Variants in SAMD12 observed in about 807,000 individuals in gnomAD.
SAMD12 encodes the protein sterile alpha motif domain-containing protein 12.
Under a neutral mutation model 15.0 loss-of-function variants are expected in SAMD12, and 9 were observed. That is an observed-to-expected ratio of 0.60 (90% CI 0.36 to 1.05). The LOEUF (loss-of-function observed/expected upper bound fraction) is 1.05, where lower values mean the gene tolerates loss of function less well. Ranked by LOEUF, SAMD12 falls within the 50% of genes least tolerant of loss-of-function variation. The pLI is 0.01. For missense variants in SAMD12, 230 were observed against 234.2 expected, an observed-to-expected ratio of 0.98 and a Z score of 0.12; for synonymous variants, 86 against 90.1, an observed-to-expected ratio of 0.96 and a Z score of 0.25.
At chr8:118,148,682 A>T in the SAMD12 span, among the ~76,000 whole-genome samples, 1 of 152,198 alleles carries the variant, frequency 6.6e-6, no homozygotes, top group South Asian at 2.1e-4. Context: ...ACCTTTGTGC[A>T]GTTAATCCTC....
chr8:118,383,348 CAGG>C, intron 3 of SAMD12, among the ~76,000 whole-genome samples: 1 of 152,220 alleles, frequency 6.6e-6, no homozygotes, highest in Non-Finnish European at 1.5e-5. Context: ...GAGCTCAGAA[CAGG>C]GTGATCTAAC....
intron 4 of SAMD12, among the ~76,000 whole-genome samples, chr8:118,265,637 T>A (rs189994738): frequency 2.4e-4 from 37 of 151,984 alleles, no homozygotes; most frequent in Non-Finnish European, 5.2e-4. Flanking sequence ...TCTCTTTGGA[T>A]CATTCAGTCA....
the SAMD12 span, among the ~76,000 whole-genome samples, chr8:118,175,329 T>C: frequency 6.6e-6 from 1 of 152,176 alleles, no homozygotes; most frequent in South Asian, 2.1e-4. Context: ...AGTTTTACCA[T>C]ATATGAAAAT....
At chr8:118,428,457 T>C (rs894620676) in intron 3 of SAMD12, among the ~76,000 whole-genome samples, 15 of 151,918 alleles carry the variant, frequency 9.9e-5, no homozygotes, top group African/African-American at 2.9e-4. Context: ...AAAGACCAAT[T>C]TATCAATTTT....
chr8:118,537,077 T>C (rs1825864964), intron 2 of SAMD12, among the ~76,000 whole-genome samples: 2 of 152,180 alleles, frequency 1.3e-5, no homozygotes, highest in South Asian at 4.1e-4. Flanking sequence ...TTTTTCCTCC[T>C]TCAGCACTTT....
chr8:118,248,411 A>G (rs931425995), intron 4 of SAMD12, among the ~76,000 whole-genome samples: 8 of 152,134 alleles, frequency 5.3e-5, no homozygotes, highest in African/African-American at 1.7e-4. Context: ...AAGGATTGTT[A>G]GTCCAGCAGT....
chr8:118,525,144 C>T (rs1340745664), intron 2 of SAMD12, among the ~76,000 whole-genome samples: 1 of 152,188 alleles, frequency 6.6e-6, no homozygotes. Flanking sequence ...ACAGGCTCCT[C>T]GCTGTTTCTA....
At chr8:118,510,171 A>G (rs10100091) in intron 2 of SAMD12, among the ~76,000 whole-genome samples, 1 of 151,858 alleles carries the variant, frequency 6.6e-6, no homozygotes, top group Non-Finnish European at 1.5e-5. Flanking sequence ...TCAAATTTAC[A>G]TTACAAAAAA....
intron 2 of SAMD12, among the ~76,000 whole-genome samples, chr8:118,560,204 C>T (rs1826664982): frequency 2.6e-5 from 4 of 152,180 alleles, no homozygotes. Context: ...CTTTAAATTC[C>T]TACTTTCCTC....
chr8:118,163,874 CAAACAAAACAAAACAAAACAAAACA>C, the SAMD12 span, among the ~76,000 whole-genome samples: 1 of 149,160 alleles, frequency 6.7e-6, no homozygotes, highest in Admixed American at 6.7e-5. Flanking sequence ...GACTCCGTCT[CAAACAAAACAAAACAAAACAAAACA>C]AAACAAAACA....
chr8:118,166,116 C>G, the SAMD12 span, among the ~76,000 whole-genome samples: 1 of 152,162 alleles, frequency 6.6e-6, no homozygotes, highest in Non-Finnish European at 1.5e-5. Flanking sequence ...GCAACTGGCA[C>G]ATTTTTTTCT....
At chr8:118,225,448 G>A (rs181404775) in intron 4 of SAMD12, among the ~76,000 whole-genome samples, 29 of 152,266 alleles carry the variant, frequency 1.9e-4, no homozygotes, top group African/African-American at 6.3e-4. Flanking sequence ...TGCTGCCAGG[G>A]TTTTTGGAGG....
rs557917180 is a variant in SAMD12 at position 118,420,837 on chromosome 8, A to G, written c.322+18995T>C. 3.0e-4 allele frequency among the ~76,000 whole-genome samples: 46 copies of G among 152,328 alleles called. 1 individual carries two copies. The South Asian group carries it at 9.1e-3, about 30-fold the overall frequency. On this transcript the variant is annotated intron_variant, in intron 3 of 3. Transcript: ENST00000314727. ...AAACAGATTTGATTTGGGCAAAGGGAAGAAGAGATTAGAATAGGGGTTGGC... is the reference window on the plus strand; with the variant it reads ...AAACAGATTTGATTTGGGCAAAGGGGAGAAGAGATTAGAATAGGGGTTGGC...
chr8:118,174,440 A>G, the SAMD12 span, among the ~76,000 whole-genome samples: 1 of 152,146 alleles, frequency 6.6e-6, no homozygotes, highest in African/African-American at 2.4e-5. Context: ...GGGACATGGC[A>G]TGGGTCAAGT....
the SAMD12 span, among the ~76,000 whole-genome samples, chr8:118,151,208 G>C: frequency 6.6e-6 from 1 of 151,648 alleles, no homozygotes; most frequent in Non-Finnish European, 1.5e-5. Flanking sequence ...AAAAATCGTT[G>C]TCTTTATTAC....
At chr8:118,617,620 A>T (rs1828270236) in intron 1 of SAMD12, among the ~76,000 whole-genome samples, 1 of 152,186 alleles carries the variant, frequency 6.6e-6, no homozygotes, top group South Asian at 2.1e-4. Context: ...AATAGAAATT[A>T]CCATGTACAA....
At chr8:118,407,571 T>C (rs1821195986) in intron 3 of SAMD12, among the ~76,000 whole-genome samples, 2 of 152,164 alleles carry the variant, frequency 1.3e-5, no homozygotes, top group African/African-American at 2.4e-5. Flanking sequence ...AAGAACTATG[T>C]ATGGACAAAT....
intron 4 of SAMD12, among the ~76,000 whole-genome samples, chr8:118,246,123 G>A (rs915467875): frequency 3.2e-4 from 49 of 152,210 alleles, no homozygotes; most frequent in Admixed American, 2.9e-3. Context: ...TTGGGAACCC[G>A]TAGATGAATA....
chr8:118,496,383 A>G (rs1824610416), intron 2 of SAMD12, among the ~76,000 whole-genome samples: 1 of 152,212 alleles, frequency 6.6e-6, no homozygotes, highest in South Asian at 2.1e-4. Flanking sequence ...ACAGAGACCA[A>G]TGGAACATGT....
Sources: allele counts gnomAD v4.1 joint callset (sites outside exome capture counted in the v4.1 genomes callset), GRCh38; gene constraint gnomAD v4.1.1; transcripts MANE v1.5; gene names NCBI Gene and HGNC (gene_info 2026-07-23, HGNC 2026-07-21).